Variants in PRKAG2 observed in about 807,000 individuals in gnomAD.
PRKAG2 encodes protein kinase AMP-activated non-catalytic subunit gamma 2.
In PRKAG2, 26 loss-of-function variants were observed where a neutral mutation model predicts 69.6. The observed-to-expected ratio is 0.37, with a 90% confidence interval of 0.27 to 0.52. The LOEUF (loss-of-function observed/expected upper bound fraction) is 0.52, where lower values mean the gene tolerates loss of function less well. Among genes scored for constraint, PRKAG2 ranks in the 20% least tolerant of loss-of-function variants. The pLI, the probability that PRKAG2 is intolerant of heterozygous loss-of-function variation, is 0.90. For missense variants in PRKAG2, 557 were observed against 740.0 expected, an observed-to-expected ratio of 0.75 and a Z score of 2.87; for synonymous variants, 293 against 285.0, an observed-to-expected ratio of 1.03 and a Z score of -0.28.
intron 5 of PRKAG2, among the ~76,000 whole-genome samples, chr7:151,605,242 C>G (rs113165008): frequency 2.6e-5 from 4 of 151,588 alleles, no homozygotes; most frequent in Admixed American, 6.6e-5. Flanking sequence ...GTCTCAAACT[C>G]CTGACCTCAA....
At chr7:151,672,343 C>G (rs1305478229) in intron 4 of PRKAG2, among the ~76,000 whole-genome samples, 4 of 150,612 alleles carry the variant, frequency 2.7e-5, no homozygotes, top group South Asian at 2.1e-4. Context: ...GATCCACCCA[C>G]TTCGGCCTCC....
intron 1 of PRKAG2, among the ~76,000 whole-genome samples, chr7:151,831,770 C>T (rs1157094196): frequency 6.6e-6 from 1 of 152,220 alleles, no homozygotes; most frequent in Non-Finnish European, 1.5e-5. Context: ...CCGACAGGTG[C>T]TGTGTCCCAG....
In PRKAG2 at chr7:151,814,559, T is replaced by C; in HGVS notation, c.115-28018A>G. On this transcript the variant is annotated intron_variant, in intron 1 of 15. Coordinates refer to ENST00000287878, the MANE Select transcript of PRKAG2 (RefSeq NM_016203.4). This position sits in a 1 kb window ranked among gnomAD's most constrained non-coding sequence, Gnocchi z 4.8. The stretch of plus-strand genomic sequence containing the variant: ...AAATCCTGCTGCCTCACTCGAAAGG[T>C]CCATCAGAGAAGGGGTTTCCCAGCC... 8.1e-7 allele frequency: 1 copy of C among 1,231,616 alleles called. No homozygotes were observed. Among genetic ancestry groups the C allele is most frequent in the Non-Finnish European group, 1.0e-6 (1 of 987,968 alleles). The allele number at this position is 1,231,616 out of a possible 1,614,324, so 76.3% of individuals were successfully genotyped here.
At chr7:151,872,142 C>T (rs1038511952) in intron 1 of PRKAG2, among the ~76,000 whole-genome samples, 6 of 152,292 alleles carry the variant, frequency 3.9e-5, no homozygotes, top group East Asian at 3.9e-4. Flanking sequence ...CCCCAAGAAC[C>T]GGCCCCTTAT....
chr7:151,738,547 G>T (rs2073630844), intron 3 of PRKAG2, among the ~76,000 whole-genome samples: 1 of 152,292 alleles, frequency 6.6e-6, no homozygotes, highest in Admixed American at 6.5e-5. Context: ...CACCTGGCCT[G>T]CCCAGGGCGG....
In PRKAG2 at chr7:151,814,392, G is replaced by A; in HGVS notation, c.115-27851C>T. The A allele has an allele frequency of 8.2e-7, 1 of 1,218,572 alleles. No individual in the cohort carries two copies. Among genetic ancestry groups the A allele is most frequent in the Non-Finnish European group, 1.0e-6 (1 of 979,472 alleles). 75.5% of individuals were successfully genotyped at this position (1,218,572 alleles called of 1,614,324 possible). A position where few individuals can be genotyped will look rare whatever the true frequency, so the allele number is the denominator to read the frequency against. Reference sequence around the variant, plus strand: ...CGCACAATCACTATGCATTTAGAAAGCCAGCTCCCGCAGGTCTGCTTACTC... The same window carrying A: ...CGCACAATCACTATGCATTTAGAAAACCAGCTCCCGCAGGTCTGCTTACTC... On this transcript the variant is annotated intron_variant, in intron 1 of 15. Transcript: ENST00000287878. This position sits in a 1 kb window ranked among gnomAD's most constrained non-coding sequence, Gnocchi z 4.8.
intron 5 of PRKAG2, among the ~76,000 whole-genome samples, chr7:151,603,139 G>A (rs920141038): frequency 6.7e-5 from 10 of 149,806 alleles, no homozygotes; most frequent in Admixed American, 4.6e-4. Context: ...CATACTCACC[G>A]CACACGGAGG....
At chr7:151,616,767 G>C (rs1249886158) in intron 5 of PRKAG2, among the ~76,000 whole-genome samples, 2 of 152,216 alleles carry the variant, frequency 1.3e-5, no homozygotes, top group Admixed American at 1.3e-4. Context: ...AGAAGTGTTT[G>C]AGAGAGAAGA....
intron 3 of PRKAG2, among the ~76,000 whole-genome samples, chr7:151,765,076 G>GGT (rs1243999293): frequency 6.6e-6 from 1 of 152,214 alleles, no homozygotes; most frequent in African/African-American, 2.4e-5. Flanking sequence ...CCTAAGTCAA[G>GGT]GTGTGTGTGA....
rs558350313 is a variant in PRKAG2 at position 151,614,018 on chromosome 7, G to A, written c.754+18051C>T. Among the ~76,000 whole-genome samples, 2 of 152,210 alleles carry A rather than the reference G, an allele frequency of 1.3e-5. No individual in the cohort carries two copies. Among genetic ancestry groups the A allele is most frequent in the East Asian group, 3.9e-4 (2 of 5,172 alleles). ...GGCTTTCGCTATGTTGGTCAGGCTG[G>A]TCTCGAACTTCTGACCTCAGGTGAT... On this transcript the variant is annotated intron_variant, in intron 5 of 15. Coordinates refer to ENST00000287878, the MANE Select transcript of PRKAG2 (RefSeq NM_016203.4). This position sits in a 1 kb window ranked among gnomAD's most constrained non-coding sequence, Gnocchi z 4.4.
intron 3 of PRKAG2, among the ~76,000 whole-genome samples, chr7:151,730,210 G>T (rs1338394806): frequency 6.6e-6 from 1 of 152,214 alleles, no homozygotes; most frequent in Non-Finnish European, 1.5e-5. Context: ...ACCAGGCCGT[G>T]TGGCCCCGAG....
chr7:151,795,666 T>C (rs1379458979), intron 1 of PRKAG2, among the ~76,000 whole-genome samples: 2 of 151,876 alleles, frequency 1.3e-5, no homozygotes, highest in African/African-American at 4.8e-5. Flanking sequence ...TGCTGAATGA[T>C]GTGGGTGGGC....
chr7:151,846,565 C>T (rs1394607509), intron 1 of PRKAG2, among the ~76,000 whole-genome samples: 2 of 152,196 alleles, frequency 1.3e-5, no homozygotes, highest in Admixed American at 1.3e-4. Context: ...TACCCTATCC[C>T]ACAACGCCAC....
rs531226464 is a variant in PRKAG2, at chr7:151,568,559, A to G, written c.1233+157T>C. On this transcript the variant is annotated intron_variant, in intron 11 of 15. Transcript: ENST00000287878. ...TTGGAATCAACTTTAAGAATGTACA[A>G]TTCAGAGAGTAGTAAGTTGAGAAAC... 7 of 732,924 alleles carry G rather than the reference A, an allele frequency of 9.6e-6. No individual in the cohort carries two copies. In the Admixed American group the frequency reaches 1.7e-4, roughly 18 times the overall value. 45.4% of individuals were successfully genotyped at this position (732,924 alleles called of 1,614,324 possible).
chr7:151,870,047 T>A (rs1287493288), intron 1 of PRKAG2, among the ~76,000 whole-genome samples: 1 of 152,190 alleles, frequency 6.6e-6, no homozygotes, highest in African/African-American at 2.4e-5. Context: ...AATGTTGAAT[T>A]GCCTTTGTTG....
In PRKAG2 at chr7:151,876,577, G is replaced by C; in HGVS notation, c.44C>G (p.Ser15Cys). ...VMDTKKKKDV[S>C]SPGGSGGKKN... ...CTTGCCGCCGCTCCCGCCGGGGCTGGAAACATCTTTTTTCTTCTTGGTGTC... is the reference window on the plus strand; with the variant it reads ...CTTGCCGCCGCTCCCGCCGGGGCTGCAAACATCTTTTTTCTTCTTGGTGTC... Residue 15 changes from serine to cysteine, a missense_variant, in exon 1 of 16, where the codon TCC (serine) becomes TGC (cysteine). Transcript: ENST00000287878. 6.2e-7 allele frequency: 1 copy of C among 1,610,508 alleles called. No individual in the cohort carries two copies.
At chr7:151,607,283 C>T (rs1817736272) in intron 5 of PRKAG2, among the ~76,000 whole-genome samples, 3 of 150,222 alleles carry the variant, frequency 2.0e-5, no homozygotes, top group African/African-American at 7.6e-5. Flanking sequence ...TTGTTTGGTA[C>T]CTTTGTTTGT....
chr7:151,696,563 C>T (rs1472402036), intron 3 of PRKAG2, among the ~76,000 whole-genome samples: 1 of 152,188 alleles, frequency 6.6e-6, no homozygotes, highest in Admixed American at 6.5e-5. Flanking sequence ...CTTTCCTTGC[C>T]TAAATAGCCT....
chr7:151,597,404 C>G (rs1456536715), intron 5 of PRKAG2, among the ~76,000 whole-genome samples: 1 of 152,034 alleles, frequency 6.6e-6, no homozygotes, highest in African/African-American at 2.4e-5. Flanking sequence ...GCACATGGAA[C>G]AAAAGCAAAA....
Sources: gnomAD v4.1 joint callset for allele counts (sites outside exome capture counted in the v4.1 genomes callset) on GRCh38, gnomAD v4.1.1 for gene constraint, Gnocchi (gnomAD v3.1) non-coding constraint, MANE v1.5 for transcripts, NCBI Gene and HGNC (gene_info 2026-07-23, HGNC 2026-07-21) for gene names.